Variants in CCM2L observed in about 807,000 individuals in gnomAD.
The protein encoded by CCM2L is CCM2 like scaffold protein.
In CCM2L, 36 loss-of-function variants were observed where a neutral mutation model predicts 54.1. The ratio of observed to expected loss-of-function variants is 0.67; its 90% CI spans 0.51 to 0.88. The LOEUF is 0.88. Among genes scored for constraint, CCM2L ranks in the 40% least tolerant of loss-of-function variants. The pLI is 0.00. For missense variants in CCM2L, 700 were observed against 812.1 expected, an observed-to-expected ratio of 0.86 and a Z score of 1.68; for synonymous variants, 351 against 359.3, an observed-to-expected ratio of 0.98 and a Z score of 0.26.
At chr20:32,027,980 T>C (rs1003268500) in intron 7 of CCM2L, 1 of 151,894 alleles carries the variant, frequency 6.6e-6, no homozygotes, top group African/African-American at 2.4e-5. Context: ...TCATTAATGG[T>C]AATAAGTACT....
intron 5 of CCM2L, among the ~76,000 whole-genome samples, chr20:32,022,117 A>G (rs1164168017): frequency 6.6e-6 from 1 of 152,062 alleles, no homozygotes; most frequent in Non-Finnish European, 1.5e-5. Flanking sequence ...TAGTCTCAAA[A>G]AAGTTTTACC....
chr20:32,019,422 G>C lies in CCM2L; in HGVS notation c.933+13G>C. On this transcript the variant is annotated intron_variant, in intron 5 of 9. Coordinates refer to ENST00000452892, the MANE Select transcript of CCM2L (RefSeq NM_001365692.1). Reference sequence around the variant, plus strand: ...TGTAGCCAACAGGGTGAGCCCGAGGGCAGCCTGCTCCCAAAGCCCGGCTTC... The same window carrying C: ...TGTAGCCAACAGGGTGAGCCCGAGGCCAGCCTGCTCCCAAAGCCCGGCTTC... 6.7e-7 allele frequency: 1 copy of C among 1,499,690 alleles called. No homozygotes were observed. The highest frequency in any genetic ancestry group is 8.9e-7 in the Non-Finnish European group (1 of 1,129,894). The allele number at this position is 1,499,690 out of a possible 1,614,324, so 92.9% of individuals were successfully genotyped here. A position where few individuals can be genotyped will look rare whatever the true frequency, so the allele number is the denominator to read the frequency against.
At chr20:32,028,878 G>T (rs750898898) in intron 7 of CCM2L, 117 bp from the exon 8 acceptor site, 3 of 1,326,734 alleles carry the variant, frequency 2.3e-6, no homozygotes, top group Non-Finnish European at 3.1e-6. Flanking sequence ...AGGGGCCAGG[G>T]TATGCGAGGC....
chr20:32,014,983 G>C lies in CCM2L; in HGVS notation c.110G>C (p.Arg37Pro). 1.3e-6 allele frequency: 2 copies of C among 1,588,984 alleles called. No individual in the cohort carries two copies. The highest frequency in any genetic ancestry group is 8.6e-7 in the Non-Finnish European group (1 of 1,169,128). The change falls in exon 2 of 10, where the codon CGG becomes CCG. Residue 37 changes from arginine to proline, a missense_variant. Transcript: ENST00000452892. Reference protein sequence around the residue: ...RAACRSSVSRRPLHSMPLYPP... With the variant: ...RAACRSSVSRPPLHSMPLYPP... ...GCCTGTAGGAGCAGCGTGAGCCGCC[G>C]GCCCCTGCACTCGATGCCCCTTTAT...
At chr20:32,017,242 G>T (rs1391135713) in intron 2 of CCM2L, among the ~76,000 whole-genome samples, 6 of 152,172 alleles carry the variant, frequency 3.9e-5, no homozygotes. Flanking sequence ...CATTTTTCCT[G>T]ACAAAATGGT....
In CCM2L at chr20:32,025,153, CCTTT is replaced by C. The variant is rs781375899; in HGVS notation, c.1070-689_1070-686del. ...TTTCTTTTCTTTTCCTTCCCCTTCC[CCTTT>C]CTTTCTTTCTTTCCTTTCTTTTTTC... On this transcript the variant is annotated intron_variant, in intron 6 of 9. Transcript: ENST00000452892. Among the ~76,000 whole-genome samples, 176 of 150,646 alleles carry C rather than the reference CCTTT, an allele frequency of 1.2e-3. 1 individual carries two copies. The highest frequency in any genetic ancestry group is 0.01 in the Middle Eastern group (3 of 294).
chr20:32,017,485 T>C (rs2064750045), intron 2 of CCM2L, among the ~76,000 whole-genome samples: 1 of 152,192 alleles, frequency 6.6e-6, no homozygotes, highest in Admixed American at 6.5e-5. Flanking sequence ...AGCCAGCAGT[T>C]GAGAGTGTGG....
intron 7 of CCM2L, 26 bp from the exon 8 acceptor site, chr20:32,028,969 G>T: frequency 6.2e-7 from 1 of 1,613,238 alleles, no homozygotes; most frequent in Non-Finnish European, 8.5e-7. Context: ...GGAGGCGAGT[G>T]AAGGCCCTTC....
At chr20:32,013,053 C>T (rs753691924) in intron 1 of CCM2L, among the ~76,000 whole-genome samples, 1 of 152,170 alleles carries the variant, frequency 6.6e-6, no homozygotes, top group African/African-American at 2.4e-5. Flanking sequence ...AATCCCAGCA[C>T]TTTGGGAGGC....
intron 2 of CCM2L, among the ~76,000 whole-genome samples, chr20:32,017,520 G>A (rs986590306): frequency 3.9e-5 from 6 of 152,176 alleles, no homozygotes; most frequent in African/African-American, 1.4e-4. Context: ...ATCCCAGTTT[G>A]ATCCTCTCTA....
At chr20:32,018,513 G>C (rs577442750) in intron 4 of CCM2L, among the ~76,000 whole-genome samples, 8 of 152,022 alleles carry the variant, frequency 5.3e-5, no homozygotes, top group Non-Finnish European at 1.2e-4. Context: ...AGGCTAGAGT[G>C]GACCCTTGGG....
chr20:32,021,859 C>A (rs2064809571), intron 5 of CCM2L, among the ~76,000 whole-genome samples: 1 of 152,168 alleles, frequency 6.6e-6, no homozygotes, highest in South Asian at 2.1e-4. Flanking sequence ...GTAAGGATCA[C>A]CTGGTTTAAT....
chr20:32,031,069 C>G lies in CCM2L; in HGVS notation c.1471C>G (p.Arg491Gly). The G allele has an allele frequency of 3.1e-6, 4 of 1,304,246 alleles. No homozygotes were observed. Among genetic ancestry groups the G allele is most frequent in the Non-Finnish European group, 4.0e-6 (4 of 988,948 alleles). 80.8% of individuals were successfully genotyped at this position (1,304,246 alleles called of 1,614,324 possible). ...FEGFLEGVGI[R>G]EGGILTDSFG... ...GGGCTTCCTGGAGGGCGTGGGCATC[C>G]GCGAGGGCGGCATCCTCACTGACAG... Residue 491 changes from arginine (R) to glycine (G), a missense_variant, in exon 10 of 10, where the codon CGC becomes GGC. By Grantham distance (125) the Arg-to-Gly change is moderately radical. Transcript: ENST00000452892.
In CCM2L at chr20:32,031,235, C is replaced by CCGATGACGA. The variant is rs2064922697; in HGVS notation, c.1641_1649dup (p.Asp550_Asp552dup). ...ACGCACGACATCGAGGCGCTGGCCCCCGATGACGACGACGACGACGAGGAT... is the reference window on the plus strand; with the variant it reads ...ACGCACGACATCGAGGCGCTGGCCCCCGATGACGACGATGACGACGACGACGACGAGGAT... On this transcript the variant is annotated inframe_insertion, in exon 10 of 10. Transcript: ENST00000452892. 5 of 1,298,428 alleles carry CCGATGACGA rather than the reference C, an allele frequency of 3.9e-6. No homozygotes were observed. The highest frequency in any genetic ancestry group is 4.0e-6 in the Non-Finnish European group (4 of 988,480). 80.4% of individuals were successfully genotyped at this position (1,298,428 alleles called of 1,614,324 possible).
At chr20:32,028,611 G>A (rs922795732) in intron 7 of CCM2L, 3 of 208,698 alleles carry the variant, frequency 1.4e-5, no homozygotes, top group East Asian at 1.2e-4. Context: ...GAGCATGTTC[G>A]ACAGAGGTTC....
chr20:32,015,679 C>T (rs763949705), intron 2 of CCM2L, among the ~76,000 whole-genome samples: 3 of 152,192 alleles, frequency 2.0e-5, no homozygotes, highest in South Asian at 2.1e-4. Flanking sequence ...TGTTATCAGG[C>T]GTTCATGCAT....
In CCM2L at chr20:32,031,564, G is replaced by A. The variant is rs1401969036; in HGVS notation, c.*250G>A. On this transcript the variant is annotated 3_prime_UTR_variant, in exon 10 of 10. Transcript: ENST00000452892. ...CTCCTGGGCCGCTCTGCCGGGCTGG[G>A]GCTGAGCAGCGATCCTGCTTTGTCC... 1.7e-5 allele frequency: 5 copies of A among 287,442 alleles called. No individual in the cohort carries two copies. Among genetic ancestry groups the A allele is most frequent in the South Asian group, 6.2e-5 (2 of 32,304 alleles). 17.8% of individuals were successfully genotyped at this position (287,442 alleles called of 1,614,324 possible). A position where few individuals can be genotyped will look rare whatever the true frequency, so the allele number is the denominator to read the frequency against.
intron 4 of CCM2L, 33 bp from the exon 5 acceptor site, chr20:32,018,910 C>A: frequency 7.8e-7 from 1 of 1,276,836 alleles, no homozygotes; most frequent in South Asian, 2.4e-5. Flanking sequence ...GAGTCCCGAT[C>A]CCCGCGGCTG....
intron 7 of CCM2L, chr20:32,028,772 ATAG>A: frequency 3.6e-6 from 2 of 561,948 alleles, no homozygotes; most frequent in South Asian, 2.1e-5. Flanking sequence ...AGGTGAGGAG[ATAG>A]TAGAGGAAGA....
Sources: gnomAD v4.1 joint callset for allele counts (sites outside exome capture counted in the v4.1 genomes callset) on GRCh38, gnomAD v4.1.1 for gene constraint, MANE v1.5 for transcripts, NCBI Gene and HGNC (gene_info 2026-07-23, HGNC 2026-07-21) for gene names.